LAMB1: variants seen among roughly 807,000 people sequenced by gnomAD.
LAMB1 encodes the protein laminin subunit beta-1.
LAMB1 carries 121 observed loss-of-function variants against 222.3 expected under a neutral mutation model. The ratio of observed to expected loss-of-function variants is 0.54; its 90% CI spans 0.47 to 0.63. LAMB1 has a LOEUF of 0.63. Among genes scored for constraint, LAMB1 ranks in the 30% least tolerant of loss-of-function variants. The pLI, the probability that LAMB1 is intolerant of heterozygous loss-of-function variation, is 0.00. For synonymous variants in LAMB1, 794 were observed against 807.2 expected (o/e 0.98, Z 0.28); for missense variants, 2,172 against 2,240.8 (o/e 0.97, Z 0.62).
intron 13 of LAMB1, among the ~76,000 whole-genome samples, chr7:107,967,992 G>A (rs1239554512): frequency 6.6e-6 from 1 of 152,126 alleles, no homozygotes; most frequent in Non-Finnish European, 1.5e-5. Flanking sequence ...GCAGAGAGAG[G>A]ACAGGAATAA....
chr7:107,928,766 T>C (rs2032630282), intron 31 of LAMB1, among the ~76,000 whole-genome samples: 1 of 152,210 alleles, frequency 6.6e-6, no homozygotes. Flanking sequence ...ATGCTGGAAT[T>C]ACAGGCGTGA....
At chr7:107,955,749 T>C (rs1017412744) in intron 20 of LAMB1, 119 bp from the exon 21 acceptor site, 3 of 897,996 alleles carry the variant, frequency 3.3e-6, no homozygotes, top group Non-Finnish European at 4.8e-6. Context: ...CATGTTTTCT[T>C]TGAGACAGAA....
chr7:107,998,081 C>G (rs2034314144), intron 4 of LAMB1, among the ~76,000 whole-genome samples: 1 of 152,150 alleles, frequency 6.6e-6, no homozygotes, highest in Admixed American at 6.5e-5. Flanking sequence ...CAGCCCCCGG[C>G]ACACAAGTAT....
intron 25 of LAMB1, 63 bp downstream of exon 25, chr7:107,939,926 G>C: frequency 6.5e-7 from 1 of 1,537,418 alleles, no homozygotes; most frequent in Non-Finnish European, 8.8e-7. Context: ...GGAAATCTTT[G>C]CTGTTAACTC....
At position 107,978,033 on chromosome 7, in the gene LAMB1, C is replaced by T. The variant is rs755618690; in HGVS notation, c.1000+14G>A. ...CCTGAATGGATTTAAAATGTCCCTT[C>T]AACACAGACTTACTTTTACAGGCGT... On this transcript the variant is annotated intron_variant, in intron 9 of 33. Transcript: ENST00000222399. 6.2e-7 allele frequency: 1 copy of T among 1,614,102 alleles called. No homozygotes were observed. Among genetic ancestry groups the T allele is most frequent in the East Asian group, 2.2e-5 (1 of 44,886 alleles).
intron 3 of LAMB1, among the ~76,000 whole-genome samples, chr7:108,000,949 A>C (rs1173507760): frequency 6.6e-6 from 1 of 152,228 alleles, no homozygotes; most frequent in Non-Finnish European, 1.5e-5. Context: ...ATGACCCCTG[A>C]AATCTAAAAT....
rs766409752 is a variant in LAMB1, at chr7:107,953,570, C to A, written c.3039G>T (p.Arg1013=). The change falls in exon 22 of 34, where the codon CGG becomes CGT. Residue 1013 remains arginine (R), a synonymous_variant. Transcript: ENST00000222399. ...HTEGEHCQFC[R]FGYYGDALQQ... ...GGAGGGCATCACCATAGTATCCAAACCGGCAGAACTGACAGTGTTCCCCTT... is the reference window on the plus strand; with the variant it reads ...GGAGGGCATCACCATAGTATCCAAAACGGCAGAACTGACAGTGTTCCCCTT... 2 of 1,614,064 alleles carry A rather than the reference C, an allele frequency of 1.2e-6. No homozygotes were observed. Among genetic ancestry groups the A allele is most frequent in the Admixed American group, 3.3e-5 (2 of 60,008 alleles).
At chr7:107,961,697 T>C (rs2033507868) in intron 15 of LAMB1, 21 bp from the exon 16 acceptor site, 14 of 1,606,310 alleles carry the variant, frequency 8.7e-6, no homozygotes, top group African/African-American at 1.3e-5. Context: ...AAACAAACAA[T>C]GAAAAGATAG....
chr7:107,934,418 T>G (rs1285783414), intron 27 of LAMB1, among the ~76,000 whole-genome samples: 1 of 152,078 alleles, frequency 6.6e-6, no homozygotes, highest in Non-Finnish European at 1.5e-5. Context: ...AAAAATACCC[T>G]CCAAATTATT....
chr7:107,929,595 A>C lies in LAMB1; in HGVS notation c.4562T>G (p.Ile1521Ser), dbSNP rs199646967. Residue 1521 changes from isoleucine (I) to serine (S), a missense_variant, in exon 30 of 34, where the codon ATT (isoleucine) becomes AGT (serine). Ile to Ser is a moderately radical substitution (Grantham distance 142, BLOSUM62 -2). Transcript: ENST00000222399. ...CAATACTTCATTAGCAACTGCTTCA[A>C]TGCTGTCCAAATCAGCACTATCCTC... Reference protein sequence around the residue: ...LTQDSADLDSIEAVANEVLKM... With the variant: ...LTQDSADLDSSEAVANEVLKM... 6.2e-7 allele frequency: 1 copy of C among 1,614,090 alleles called. No individual in the cohort carries two copies. The highest frequency in any genetic ancestry group is 1.7e-4 in the Middle Eastern group (1 of 6,060).
At chr7:107,940,383 C>G (rs762620203) in intron 24 of LAMB1, 25 bp from the exon 25 acceptor site, 3 of 1,595,442 alleles carry the variant, frequency 1.9e-6, no homozygotes, top group Non-Finnish European at 2.6e-6. Context: ...GCAATGCTAG[C>G]TGATCTACTT....
At chr7:107,939,721 A>T (rs1021114291) in intron 25 of LAMB1, among the ~76,000 whole-genome samples, 3 of 152,152 alleles carry the variant, frequency 2.0e-5, no homozygotes, top group Non-Finnish European at 4.4e-5. Flanking sequence ...ACTGACTTAG[A>T]ACATGATTTG....
At chr7:107,986,131 A>G (rs2034072317) in intron 6 of LAMB1, 44 bp downstream of exon 6, 1 of 1,610,784 alleles carries the variant, frequency 6.2e-7, no homozygotes, top group Admixed American at 1.7e-5. Context: ...AATAATCAAA[A>G]AGTAGATTTG....
At chr7:107,976,992 C>T (rs1462835965) in intron 9 of LAMB1, among the ~76,000 whole-genome samples, 6 of 90,262 alleles carry the variant, frequency 6.6e-5, no homozygotes, top group Admixed American at 1.1e-4. Flanking sequence ...CTTTCCTCTT[C>T]CTCCTTCCTT....
intron 22 of LAMB1, among the ~76,000 whole-genome samples, chr7:107,953,327 A>G (rs1158273554): frequency 2.6e-5 from 4 of 151,416 alleles, no homozygotes; most frequent in Non-Finnish European, 5.9e-5. Context: ...ACTGCACTCC[A>G]GCCTGGGTGA....
At chr7:107,980,964 A>G (rs932594489) in intron 7 of LAMB1, among the ~76,000 whole-genome samples, 153 bp from the exon 8 acceptor site, 1 of 152,114 alleles carries the variant, frequency 6.6e-6, no homozygotes, top group Admixed American at 6.6e-5. Context: ...CCAATAGTGA[A>G]GCCTAACATA....
chr7:107,956,634 T>G (rs1459414726), intron 20 of LAMB1, among the ~76,000 whole-genome samples: 2 of 152,224 alleles, frequency 1.3e-5, no homozygotes, highest in Non-Finnish European at 2.9e-5. Flanking sequence ...CTTATACCTG[T>G]CAGCCTCTGC....
In LAMB1 at chr7:107,935,563, T is replaced by C; in HGVS notation, c.4040A>G (p.Glu1347Gly). The change falls in exon 27 of 34, where the codon GAG becomes GGG. Residue 1347 changes from glutamate (E) to glycine (G), a missense_variant. Glu to Gly is a moderately conservative substitution (Grantham distance 98). Coordinates refer to ENST00000222399, the MANE Select transcript of LAMB1 (RefSeq NM_002291.3). The stretch of plus-strand genomic sequence containing the variant: ...TCTGTCTCTCATGAGGGCTGACTGC[T>C]CCACAGTGCTGTTGGGTTCTGTGGT... ...ASTTEPNSTV[E>G]QSALMRDRVE... The C allele has an allele frequency of 1.2e-6, 2 of 1,613,948 alleles. No individual in the cohort carries two copies. Among genetic ancestry groups the C allele is most frequent in the Non-Finnish European group, 8.5e-7 (1 of 1,179,994 alleles).
chr7:107,975,486 C>T (rs1036880970), intron 10 of LAMB1, 73 bp from the exon 11 acceptor site: 5 of 1,394,998 alleles, frequency 3.6e-6, no homozygotes, highest in African/African-American at 1.5e-5. Flanking sequence ...TACATATATT[C>T]CCTTCCTCCC....
Sources: gnomAD v4.1 joint callset for allele counts (sites outside exome capture counted in the v4.1 genomes callset) on GRCh38, gnomAD v4.1.1 for gene constraint, MANE v1.5 for transcripts, NCBI Gene and HGNC (gene_info 2026-07-23, HGNC 2026-07-21) for gene names.